The following SBF2 variants were observed in gnomAD, a reference collection of about 807,000 sequenced individuals.
The protein encoded by SBF2 is SET binding factor 2.
In SBF2, 112 loss-of-function variants were observed where a neutral mutation model predicts 225.2. The observed-to-expected ratio is 0.50, with a 90% confidence interval of 0.43 to 0.58. SBF2 has a LOEUF of 0.58. Among genes scored for constraint, SBF2 ranks in the 20% least tolerant of loss-of-function variants. The pLI, the probability that SBF2 is intolerant of heterozygous loss-of-function variation, is 0.00. For synonymous variants in SBF2, 763 were observed against 773.3 expected (o/e 0.99, Z 0.22); for missense variants, 1,996 against 2,206.2 (o/e 0.90, Z 1.91).
At chr11:10,217,708 G>C (rs1001102061) in intron 1 of SBF2, among the ~76,000 whole-genome samples, 4 of 152,000 alleles carry the variant, frequency 2.6e-5, no homozygotes, top group African/African-American at 9.7e-5. Context: ...GCCTTAGAGA[G>C]GTATTACTCT....
intron 6 of SBF2, among the ~76,000 whole-genome samples, chr11:10,005,567 T>A (rs889495993): frequency 6.6e-6 from 1 of 152,174 alleles, no homozygotes; most frequent in African/African-American, 2.4e-5. Flanking sequence ...AAAATTTGCC[T>A]TGGTCTCTCA....
At chr11:10,244,968 C>A (rs1450143843) in intron 1 of SBF2, among the ~76,000 whole-genome samples, 1 of 151,468 alleles carries the variant, frequency 6.6e-6, no homozygotes, top group East Asian at 1.9e-4. Flanking sequence ...AACTCTGTCT[C>A]TACAAACACA....
intron 25 of SBF2, among the ~76,000 whole-genome samples, 177 bp from the exon 26 acceptor site, chr11:9,839,873 ACT>A (rs1352671187): frequency 2.0e-5 from 3 of 152,164 alleles, no homozygotes; most frequent in Non-Finnish European, 4.4e-5. Flanking sequence ...TGGGGAGCTC[ACT>A]CTCATCTGAA....
chr11:10,031,966 A>C (rs72858835), intron 3 of SBF2, among the ~76,000 whole-genome samples: 8,104 of 152,146 alleles, frequency 0.053, 297 homozygotes, highest in Middle Eastern at 0.16. Context: ...GTTTCAAACT[A>C]CTGAGCTCAA....
intron 1 of SBF2, among the ~76,000 whole-genome samples, chr11:10,256,296 C>G (rs2135499908): frequency 6.6e-6 from 1 of 152,328 alleles, no homozygotes; most frequent in Admixed American, 6.5e-5. Context: ...AATAACTACT[C>G]TCTTTCTACT....
At chr11:10,100,985 A>G (rs987239347) in intron 2 of SBF2, among the ~76,000 whole-genome samples, 1 of 152,186 alleles carries the variant, frequency 6.6e-6, no homozygotes, top group Non-Finnish European at 1.5e-5. Flanking sequence ...TAGTTTAGAA[A>G]GGATACTCTC....
At chr11:9,993,424 G>A (rs1317638709) in intron 10 of SBF2, among the ~76,000 whole-genome samples, 2 of 152,180 alleles carry the variant, frequency 1.3e-5, no homozygotes, top group African/African-American at 4.8e-5. Flanking sequence ...TGGCTACAAA[G>A]CCCACTGCTA....
At chr11:9,865,865 C>T (rs971290949) in intron 17 of SBF2, among the ~76,000 whole-genome samples, 3 of 152,056 alleles carry the variant, frequency 2.0e-5, no homozygotes, top group Non-Finnish European at 1.5e-5. Context: ...CACAATTTAA[C>T]TATTGTATGG....
chr11:10,001,809 AG>A (rs1286404127), intron 7 of SBF2, among the ~76,000 whole-genome samples: 7 of 152,266 alleles, frequency 4.6e-5, no homozygotes, highest in Admixed American at 4.6e-4. Context: ...TACAGGTGTG[AG>A]CCACTGCGCC....
At chr11:10,279,873 A>G (rs1426220942) in intron 1 of SBF2, among the ~76,000 whole-genome samples, 1 of 151,864 alleles carries the variant, frequency 6.6e-6, no homozygotes, top group Non-Finnish European at 1.5e-5. Flanking sequence ...CTGGTCTCGA[A>G]CTTCTGACCT....
chr11:10,101,728 G>A (rs1326648568), intron 2 of SBF2, among the ~76,000 whole-genome samples: 2 of 151,124 alleles, frequency 1.3e-5, no homozygotes, highest in Non-Finnish European at 2.9e-5. Context: ...CCTCTGCAAG[G>A]GTTTAATTAA....
intron 2 of SBF2, among the ~76,000 whole-genome samples, chr11:10,087,431 G>A (rs1186854478): frequency 6.6e-6 from 1 of 152,110 alleles, no homozygotes; most frequent in East Asian, 1.9e-4. Flanking sequence ...AGCAGCCAGT[G>A]AATATTCTGC....
chr11:10,081,516 T>C (rs1951361116), intron 2 of SBF2, among the ~76,000 whole-genome samples: 3 of 152,190 alleles, frequency 2.0e-5, no homozygotes, highest in Admixed American at 2.0e-4. Flanking sequence ...CCCAGCACTT[T>C]GGGAGGCTGA....
At chr11:10,267,979 C>T (rs1962153536) in intron 1 of SBF2, among the ~76,000 whole-genome samples, 1 of 152,070 alleles carries the variant, frequency 6.6e-6, no homozygotes, top group Non-Finnish European at 1.5e-5. Context: ...TTTACTCACG[C>T]TAAGATTTGG....
intron 18 of SBF2, 23 bp from the exon 19 acceptor site, chr11:9,856,743 C>G (rs372807666): frequency 1.2e-6 from 2 of 1,610,508 alleles, no homozygotes; most frequent in Admixed American, 3.3e-5. Context: ...GCAACACAAT[C>G]CAAAAGAGAA....
intron 2 of SBF2, among the ~76,000 whole-genome samples, chr11:10,097,278 C>A (rs969255070): frequency 6.6e-6 from 1 of 152,184 alleles, no homozygotes; most frequent in African/African-American, 2.4e-5. Context: ...CTTTCTGCAA[C>A]CTTTAAGCGT....
At chr11:9,959,367 C>G (rs1367343937) in intron 16 of SBF2, 1 of 792,666 alleles carries the variant, frequency 1.3e-6, no homozygotes, top group African/African-American at 1.7e-5. Flanking sequence ...GAAGGCCAAC[C>G]AAAGGGGTGC....
chr11:9,832,211 G>C lies in SBF2; in HGVS notation c.3652+13C>G, dbSNP rs1417918057. 3 of 1,608,614 alleles carry C rather than the reference G, an allele frequency of 1.9e-6. No individual in the cohort carries two copies. Among genetic ancestry groups the C allele is most frequent in the Admixed American group, 3.3e-5 (2 of 59,966 alleles). ...GTGAACGGGTGGTAATTGTGTTATAGAGAGATGCTTACCGGCCTGAGGGGA... is the reference window on the plus strand; with the variant it reads ...GTGAACGGGTGGTAATTGTGTTATACAGAGATGCTTACCGGCCTGAGGGGA... On this transcript the variant is annotated intron_variant, in intron 27 of 39. Coordinates refer to ENST00000256190, the MANE Select transcript of SBF2 (RefSeq NM_030962.4).
intron 2 of SBF2, among the ~76,000 whole-genome samples, chr11:10,142,825 G>A (rs756281569): frequency 3.9e-5 from 6 of 152,140 alleles, no homozygotes; most frequent in Non-Finnish European, 7.4e-5. Context: ...TTTCACTTCT[G>A]TTTGAGGAAG....
Sources: allele counts gnomAD v4.1 joint callset (sites outside exome capture counted in the v4.1 genomes callset), GRCh38; gene constraint gnomAD v4.1.1; transcripts MANE v1.5; gene names NCBI Gene and HGNC (gene_info 2026-07-23, HGNC 2026-07-21).